ARHGEF7: variants seen among roughly 807,000 people sequenced by gnomAD.
ARHGEF7 encodes Rho guanine nucleotide exchange factor 7, also known as PAK-interacting exchange factor beta.
A neutral mutation model predicts 109.8 loss-of-function variants in ARHGEF7; 33 were observed. That is an observed-to-expected ratio of 0.30 (90% confidence interval 0.23 to 0.40). ARHGEF7 has a LOEUF of 0.40. ARHGEF7 is among the 10% of genes least tolerant of loss of function. ARHGEF7 has a pLI of 1.00. For missense variants in ARHGEF7, 938 were observed against 1,098.5 expected, an observed-to-expected ratio of 0.85 and a Z score of 2.07; for synonymous variants, 458 against 424.6, an observed-to-expected ratio of 1.08 and a Z score of -0.97.
At chr13:111,221,986 G>T (rs1352168327) in intron 5 of ARHGEF7, among the ~76,000 whole-genome samples, 2 of 152,122 alleles carry the variant, frequency 1.3e-5, no homozygotes, top group African/African-American at 4.8e-5. Flanking sequence ...AGGCTGGGAG[G>T]CTAGGTCAGT....
chr13:111,284,101 C>T (rs1272264819), intron 16 of ARHGEF7, among the ~76,000 whole-genome samples: 2 of 151,856 alleles, frequency 1.3e-5, no homozygotes, highest in Non-Finnish European at 2.9e-5. Context: ...AGCAGTTGAG[C>T]GTGCATGGTG....
intron 8 of ARHGEF7, among the ~76,000 whole-genome samples, chr13:111,259,971 G>A (rs56132982): frequency 1.4e-3 from 208 of 152,060 alleles, no homozygotes; most frequent in Non-Finnish European, 1.9e-3. Flanking sequence ...TGTAGTTGAC[G>A]TACTGAAAAA....
chr13:111,283,579 C>T (rs370118562), intron 16 of ARHGEF7, among the ~76,000 whole-genome samples: 4 of 152,254 alleles, frequency 2.6e-5, no homozygotes, highest in Admixed American at 2.6e-4. Flanking sequence ...GGTCCCCCTC[C>T]TTTCTGCCAT....
At chr13:111,161,025 C>G (rs1033629817) in intron 2 of ARHGEF7, among the ~76,000 whole-genome samples, 8 of 152,162 alleles carry the variant, frequency 5.3e-5, no homozygotes, top group Non-Finnish European at 1.2e-4. Context: ...CTTTGAGTAC[C>G]AATGTGACAC....
chr13:111,225,489 T>C (rs773008058), intron 5 of ARHGEF7, among the ~76,000 whole-genome samples: 2 of 152,014 alleles, frequency 1.3e-5, no homozygotes, highest in African/African-American at 4.8e-5. Flanking sequence ...TATCTCACTT[T>C]ATTGCACTTT....
chr13:111,227,522 G>A (rs550591823), intron 5 of ARHGEF7, among the ~76,000 whole-genome samples: 1 of 152,276 alleles, frequency 6.6e-6, no homozygotes, highest in Non-Finnish European at 1.5e-5. Context: ...ACTAAGGAAT[G>A]TACTTTTTTT....
intron 1 of ARHGEF7, chr13:111,116,299 G>GT (rs34308918): frequency 0.43 from 66,133 of 152,462 alleles, 16,161 homozygotes; most frequent in East Asian, 0.87. Flanking sequence ...TTCAAGGCTT[G>GT]TTAAAATTCT....
intron 7 of ARHGEF7, 59 bp from the exon 8 acceptor site, chr13:111,244,140 G>T: frequency 7.3e-7 from 1 of 1,376,444 alleles, no homozygotes; most frequent in South Asian, 1.3e-5. Flanking sequence ...GGATGGCAAA[G>T]GAGAAGAATA....
chr13:111,174,199 G>A (rs1249622637), intron 2 of ARHGEF7, among the ~76,000 whole-genome samples: 1 of 152,182 alleles, frequency 6.6e-6, no homozygotes, highest in Non-Finnish European at 1.5e-5. Context: ...AGAGACTGCT[G>A]AGATATTTTG....
At chr13:111,150,920 G>GTTCA (rs1482240292) in intron 1 of ARHGEF7, among the ~76,000 whole-genome samples, 2 of 152,128 alleles carry the variant, frequency 1.3e-5, no homozygotes, top group African/African-American at 4.8e-5. Flanking sequence ...TAGAGATATC[G>GTTCA]TTCAACTTCT....
chr13:111,298,433 TAGCC>T (rs1433194141), intron 19 of ARHGEF7, among the ~76,000 whole-genome samples: 8 of 152,156 alleles, frequency 5.3e-5, no homozygotes, highest in Admixed American at 5.2e-4. Context: ...CATTACCCGT[TAGCC>T]AGGAAGGGCC....
intron 1 of ARHGEF7, among the ~76,000 whole-genome samples, chr13:111,147,101 G>C (rs894897251): frequency 6.6e-6 from 1 of 152,194 alleles, no homozygotes; most frequent in Non-Finnish European, 1.5e-5. Flanking sequence ...TGAGAAAGCA[G>C]ACTTCCCCAC....
chr13:111,272,879 C>T lies in ARHGEF7; in HGVS notation c.1074-935C>T, dbSNP rs1242036882. Among the ~76,000 whole-genome samples the T allele has an allele frequency of 6.6e-6, 1 of 152,108 alleles. No individual in the cohort carries two copies. Among genetic ancestry groups the T allele is most frequent in the Non-Finnish European group, 1.5e-5 (1 of 68,022 alleles). ...TCAGGTGACTGTCAGCCTTAACAAA[C>T]GTGTGGGTGAAGAGCTGGACCCCCC... On this transcript the variant is annotated intron_variant, in intron 9 of 21. Transcript: ENST00000646102. The surrounding 1 kb of genome is among the most constrained non-coding windows in gnomAD (Gnocchi z 5.2).
intron 1 of ARHGEF7, among the ~76,000 whole-genome samples, chr13:111,150,042 G>C (rs1178425224): frequency 6.6e-6 from 1 of 152,226 alleles, no homozygotes; most frequent in African/African-American, 2.4e-5. Context: ...ATGTCAGTAA[G>C]AGCAGCACAT....
intron 8 of ARHGEF7, among the ~76,000 whole-genome samples, chr13:111,245,374 A>G (rs2088630277): frequency 1.3e-5 from 2 of 152,134 alleles, no homozygotes; most frequent in Admixed American, 1.3e-4. Flanking sequence ...AATCTGATTG[A>G]GAAATGGTTC....
At position 111,299,878 on chromosome 13, in the gene ARHGEF7, G is replaced by T. The variant is rs545574627; in HGVS notation, c.2312-870G>T. Among the ~76,000 whole-genome samples, 8 of 152,274 alleles carry T rather than the reference G, an allele frequency of 5.3e-5. No individual in the cohort carries two copies. In the East Asian group the frequency reaches 1.5e-3, roughly 29 times the overall value. On this transcript the variant is annotated intron_variant, in intron 19 of 21. Coordinates refer to ENST00000646102, the MANE Select transcript of ARHGEF7 (RefSeq NM_001354046.2). Reference sequence around the variant, plus strand: ...ATGGAGAAATGTTTCTCATGGTACCGCTTGCAGGTGCTTGTGTTCTGTGAT... The same window carrying T: ...ATGGAGAAATGTTTCTCATGGTACCTCTTGCAGGTGCTTGTGTTCTGTGAT...
In ARHGEF7 at chr13:111,303,059, G is replaced by A; in HGVS notation, c.2535G>A (p.Val845=). 1.2e-6 allele frequency: 2 copies of A among 1,614,116 alleles called. No homozygotes were observed. The highest frequency in any genetic ancestry group is 2.2e-5 in the South Asian group (2 of 91,070). The change falls in exon 22 of 22, where the codon GTG becomes GTA. Residue 845 remains valine (V), a synonymous_variant. Coordinates refer to ENST00000646102, the MANE Select transcript of ARHGEF7 (RefSeq NM_001354046.2). ...CCCGCAAAGACCTGGAGAAGCTGGTGAGGAAAGTCCTGAAGAACATGAATG... is the reference window on the plus strand; with the variant it reads ...CCCGCAAAGACCTGGAGAAGCTGGTAAGGAAAGTCCTGAAGAACATGAATG... The part of the protein sequence containing the change: ...QRARKDLEKL[V]RKVLKNMNDP...
chr13:111,146,025 A>G (rs2075573677), intron 1 of ARHGEF7, among the ~76,000 whole-genome samples: 1 of 152,104 alleles, frequency 6.6e-6, no homozygotes, highest in Admixed American at 6.5e-5. Context: ...CCCTGCAGTT[A>G]GGGAGCTTAT....
chr13:111,249,518 CAGTA>C (rs1786388057), intron 8 of ARHGEF7, among the ~76,000 whole-genome samples: 1 of 151,972 alleles, frequency 6.6e-6, no homozygotes, highest in South Asian at 2.1e-4. Flanking sequence ...CGATTGGCCT[CAGTA>C]AGCCTGCATT....
Sources: gnomAD v4.1 joint callset for allele counts (sites outside exome capture counted in the v4.1 genomes callset) on GRCh38, gnomAD v4.1.1 for gene constraint, Gnocchi (gnomAD v3.1) non-coding constraint, MANE v1.5 for transcripts, NCBI Gene and HGNC (gene_info 2026-07-23, HGNC 2026-07-21) for gene names.